MACC1: variants seen among roughly 807,000 people sequenced by gnomAD.
MACC1 encodes the protein MET transcriptional regulator MACC1.
Under a neutral mutation model 70.7 loss-of-function variants are expected in MACC1, and 79 were observed. The observed-to-expected ratio is 1.12, with a 90% CI of 0.93 to 1.35. MACC1 has a LOEUF of 1.35. Among genes scored for constraint, MACC1 ranks in the 40% most tolerant of loss-of-function variants. The pLI, the probability that MACC1 is intolerant of heterozygous loss-of-function variation, is 0.00. For missense variants in MACC1, 1,106 were observed against 978.1 expected (o/e 1.13, Z -1.74); for synonymous variants, 361 against 347.2 (o/e 1.04, Z -0.44).
Position 20,139,256 on chromosome 7 carries a change from T to C in MACC1, c.*1690A>G, listed in dbSNP as rs1239312126. 6.6e-6 allele frequency: 1 copy of C among 152,242 alleles called. No homozygotes were observed. Among genetic ancestry groups the C allele is most frequent in the African/African-American group, 2.4e-5 (1 of 41,422 alleles). 9.4% of individuals were successfully genotyped at this position (152,242 alleles called of 1,614,324 possible). A position where few individuals can be genotyped will look rare whatever the true frequency, so the allele number is the denominator to read the frequency against. On this transcript the variant is annotated 3_prime_UTR_variant, in exon 7 of 7. Coordinates refer to ENST00000400331, the MANE Select transcript of MACC1 (RefSeq NM_182762.4). ...TTTTATCCTTTCACTCCTTCACCCC[T>C]GCTATCTGCACCTATTCAGCTCCCA...
At chr7:20,156,967 T>A (rs1057444982) in intron 5 of MACC1, among the ~76,000 whole-genome samples, 1 of 152,158 alleles carries the variant, frequency 6.6e-6, no homozygotes, top group African/African-American at 2.4e-5. Flanking sequence ...ACACAGTACT[T>A]ATACAAACAT....
chr7:20,206,798 T>C (rs1782915850), intron 1 of MACC1, among the ~76,000 whole-genome samples: 1 of 152,220 alleles, frequency 6.6e-6, no homozygotes, highest in African/African-American at 2.4e-5. Flanking sequence ...CTGTTTCTCT[T>C]GTCTTTCATG....
chr7:20,185,127 G>C (rs907817059), intron 1 of MACC1: 4 of 152,118 alleles, frequency 2.6e-5, no homozygotes, highest in African/African-American at 9.7e-5. Flanking sequence ...CTAAGAGGTA[G>C]AAAAACTAAG....
In MACC1 at chr7:20,161,774, T is replaced by C. The variant is rs201687397; in HGVS notation, c.89A>G (p.Lys30Arg). Residue 30 changes from lysine to arginine, a missense_variant, in exon 4 of 7, where the codon AAA becomes AGA. Coordinates refer to ENST00000400331, the MANE Select transcript of MACC1 (RefSeq NM_182762.4). The part of the protein sequence containing the change: ...EANLIDMEAG[K>R]LSKSCNITEC... ...TGTAATATTGCAACTTTTTGAGAGT[T>C]TTCCAGCTTCCATGTCAATCAAATT... is the stretch of plus-strand genomic sequence containing the variant. 204 of 1,611,978 alleles carry C rather than the reference T, an allele frequency of 1.3e-4. No individual in the cohort carries two copies. Among genetic ancestry groups the C allele is most frequent in the Non-Finnish European group, 1.6e-4 (192 of 1,178,526 alleles).
Position 20,140,568 on chromosome 7 carries a change from T to G in MACC1, c.*378A>C, listed in dbSNP as rs1308390425. The stretch of plus-strand genomic sequence containing the variant: ...GTGTGATGTAATTATTCAAACAGCT[T>G]TGACTTAGTAAATTTAAAATAACAC... On this transcript the variant is annotated 3_prime_UTR_variant, in exon 7 of 7. Coordinates refer to ENST00000400331, the MANE Select transcript of MACC1 (RefSeq NM_182762.4). 6.1e-6 allele frequency: 1 copy of G among 162,930 alleles called. No individual in the cohort carries two copies. Among genetic ancestry groups the G allele is most frequent in the African/African-American group, 2.4e-5 (1 of 41,992 alleles). 10.1% of individuals were successfully genotyped at this position (162,930 alleles called of 1,614,324 possible).
chr7:20,152,697 A>G (rs1390280184), intron 6 of MACC1, among the ~76,000 whole-genome samples: 2 of 152,126 alleles, frequency 1.3e-5, no homozygotes, highest in Admixed American at 1.3e-4. Context: ...TGCAAAAGTA[A>G]ATAATGGAAA....
At chr7:20,169,627 T>C (rs576002173) in intron 2 of MACC1, among the ~76,000 whole-genome samples, 1 of 152,364 alleles carries the variant, frequency 6.6e-6, no homozygotes, top group East Asian at 1.9e-4. Context: ...ATGTCTTTCC[T>C]TTCTTTTATG....
intron 1 of MACC1, among the ~76,000 whole-genome samples, chr7:20,173,646 G>A (rs1292097647): frequency 2.0e-5 from 3 of 152,230 alleles, no homozygotes; most frequent in African/African-American, 7.2e-5. Context: ...ATAAAATTGT[G>A]TGTTTGCCTA....
Position 20,158,931 on chromosome 7 carries a change from T to C in MACC1, c.1430A>G (p.His477Arg). The C allele has an allele frequency of 6.2e-7, 1 of 1,614,070 alleles. No individual in the cohort carries two copies. The highest frequency in any genetic ancestry group is 8.5e-7 in the Non-Finnish European group (1 of 1,180,012). ...AAAATCAAACAAGTGCATCTCTCTGTGCTCAACTAAAGAAAATAAAAATTG... is the reference window on the plus strand; with the variant it reads ...AAAATCAAACAAGTGCATCTCTCTGCGCTCAACTAAAGAAAATAAAAATTG... ...HQQFLFSLVE[H>R]REMHLFDFCV... The change falls in exon 5 of 7, where the codon CAC (histidine) becomes CGC (arginine). Residue 477 changes from histidine (H) to arginine (R), a missense_variant. His to Arg is a conservative substitution (Grantham distance 29). Coordinates refer to ENST00000400331, the MANE Select transcript of MACC1 (RefSeq NM_182762.4).
rs114358495 is a variant in MACC1 at position 20,179,802 on chromosome 7, T to C, written c.-217-9024A>G. Among the ~76,000 whole-genome samples, 551 of 152,320 alleles carry C rather than the reference T, an allele frequency of 3.6e-3. 8 individuals carry two copies. The highest frequency in any genetic ancestry group is 0.012 in the African/African-American group (518 of 41,582). On this transcript the variant is annotated intron_variant, in intron 1 of 6. Coordinates refer to ENST00000400331, the MANE Select transcript of MACC1 (RefSeq NM_182762.4). Reference sequence around the variant, plus strand: ...TCTGGTCTTCTGTCTCAAACAAAGATCTTTTAAGACTCAATCTACTTACTA... The same window carrying C: ...TCTGGTCTTCTGTCTCAAACAAAGACCTTTTAAGACTCAATCTACTTACTA...
chr7:20,182,630 C>A (rs3114469), intron 1 of MACC1, among the ~76,000 whole-genome samples: 1 of 151,928 alleles, frequency 6.6e-6, no homozygotes, highest in Non-Finnish European at 1.5e-5. Flanking sequence ...GGCCTGGGAA[C>A]AAACAGTGCG....
At chr7:20,167,323 G>A (rs1317983774) in intron 2 of MACC1, among the ~76,000 whole-genome samples, 1 of 151,952 alleles carries the variant, frequency 6.6e-6, no homozygotes, top group South Asian at 2.1e-4. Context: ...AGCCTCCTGA[G>A]TAGCCAGGAC....
At chr7:20,201,412 A>G (rs1465935213) in intron 1 of MACC1, among the ~76,000 whole-genome samples, 1 of 152,214 alleles carries the variant, frequency 6.6e-6, no homozygotes, top group East Asian at 1.9e-4. Context: ...GAACTCGTTC[A>G]GAAAGCAGCA....
chr7:20,140,833 AC>A lies in MACC1; in HGVS notation c.*112del. The stretch of plus-strand genomic sequence containing the variant: ...CACACACACACACACACAGACACAC[AC>A]ACACAGACACACACACACAGACACA... On this transcript the variant is annotated 3_prime_UTR_variant, in exon 7 of 7. Coordinates refer to ENST00000400331, the MANE Select transcript of MACC1 (RefSeq NM_182762.4). 1.4e-6 allele frequency: 1 copy of A among 704,182 alleles called. No individual in the cohort carries two copies. Among genetic ancestry groups the A allele is most frequent in the Non-Finnish European group, 2.4e-6 (1 of 422,490 alleles). The allele number at this position is 704,182 out of a possible 1,614,324, so 43.6% of individuals were successfully genotyped here.
intron 1 of MACC1, among the ~76,000 whole-genome samples, chr7:20,181,139 C>T (rs898665876): frequency 7.3e-5 from 11 of 151,688 alleles, no homozygotes; most frequent in African/African-American, 2.7e-4. Flanking sequence ...AGTAAAAATT[C>T]TCAATGTACA....
chr7:20,186,867 C>T (rs369658158), intron 1 of MACC1, among the ~76,000 whole-genome samples: 135 of 152,068 alleles, frequency 8.9e-4, no homozygotes, highest in African/African-American at 1.4e-3. Context: ...ATAATCTTGA[C>T]GAAAGTATTT....
chr7:20,184,681 T>C (rs1351155037), intron 1 of MACC1, among the ~76,000 whole-genome samples: 1 of 152,202 alleles, frequency 6.6e-6, no homozygotes, highest in Non-Finnish European at 1.5e-5. Context: ...TTAGAAATGT[T>C]TACCTTTTGT....
At chr7:20,144,675 G>T (rs1781860943) in intron 6 of MACC1, among the ~76,000 whole-genome samples, 1 of 152,082 alleles carries the variant, frequency 6.6e-6, no homozygotes, top group African/African-American at 2.4e-5. Context: ...CAGCCCTACT[G>T]AATATCAAGC....
chr7:20,199,931 C>A (rs1038379205), intron 1 of MACC1, among the ~76,000 whole-genome samples: 3 of 151,942 alleles, frequency 2.0e-5, no homozygotes, highest in African/African-American at 7.3e-5. Flanking sequence ...AACGACCTTG[C>A]AAACCAAGTT....
Sources: allele counts gnomAD v4.1 joint callset (sites outside exome capture counted in the v4.1 genomes callset), GRCh38; gene constraint gnomAD v4.1.1; transcripts MANE v1.5; gene names NCBI Gene and HGNC (gene_info 2026-07-23, HGNC 2026-07-21).